Variants in TAFA2 observed in about 807,000 individuals in gnomAD.
The protein encoded by TAFA2 is TAFA chemokine like family member 2.
Under a neutral mutation model 18.8 loss-of-function variants are expected in TAFA2, and 7 were observed. The observed-to-expected ratio is 0.37, with a 90% CI of 0.21 to 0.70. TAFA2 has a LOEUF of 0.70. Among genes scored for constraint, TAFA2 ranks in the 30% least tolerant of loss-of-function variants. The pLI is 0.53. For missense variants in TAFA2, 122 were observed against 158.1 expected, an observed-to-expected ratio of 0.77 and a Z score of 1.23; for synonymous variants, 60 against 54.2, an observed-to-expected ratio of 1.11 and a Z score of -0.47.
chr12:62,055,929 A>G (rs1220518409), intron 1 of TAFA2, among the ~76,000 whole-genome samples: 2 of 152,228 alleles, frequency 1.3e-5, no homozygotes, highest in Non-Finnish European at 2.9e-5. Context: ...TTGAAAGTCA[A>G]TAGAGAGCTA....
chr12:62,202,602 G>C (rs948388881), intron 1 of TAFA2, among the ~76,000 whole-genome samples: 1 of 151,700 alleles, frequency 6.6e-6, no homozygotes, highest in African/African-American at 2.4e-5. Context: ...GATTACAGGC[G>C]TGAGCCACTG....
At chr12:62,001,811 TTATAAC>T (rs1218713942) in intron 1 of TAFA2, among the ~76,000 whole-genome samples, 3 of 152,052 alleles carry the variant, frequency 2.0e-5, no homozygotes, top group Non-Finnish European at 4.4e-5. Context: ...AATCAAAAAA[TTATAAC>T]TACAGCTAAT....
chr12:62,234,984 GA>G, intron 1 of TAFA2: 4 of 672,580 alleles, frequency 5.9e-6, no homozygotes, highest in Non-Finnish European at 1.1e-5. Flanking sequence ...TGTTTCATCA[GA>G]AGGTACTGTC....
At chr12:62,010,165 C>G (rs1404193312) in intron 1 of TAFA2, among the ~76,000 whole-genome samples, 1 of 148,474 alleles carries the variant, frequency 6.7e-6, no homozygotes, top group African/African-American at 2.5e-5. Context: ...CCCCCTCCCC[C>G]TCCCCCTCCC....
chr12:62,125,548 G>A (rs905745847), intron 1 of TAFA2, among the ~76,000 whole-genome samples: 8 of 152,024 alleles, frequency 5.3e-5, no homozygotes, highest in Non-Finnish European at 1.0e-4. Context: ...AATGCTAAAC[G>A]GTTCAGTTTA....
intron 1 of TAFA2, among the ~76,000 whole-genome samples, chr12:62,036,813 G>A (rs1881624283): frequency 1.3e-5 from 2 of 152,344 alleles, no homozygotes; most frequent in South Asian, 4.1e-4. Flanking sequence ...ACCAGAAGCA[G>A]TAATTCTGTT....
At chr12:61,866,315 G>A (rs1239642809) in intron 2 of TAFA2, among the ~76,000 whole-genome samples, 1 of 151,958 alleles carries the variant, frequency 6.6e-6, no homozygotes, top group Non-Finnish European at 1.5e-5. Context: ...TTCTCTCCCT[G>A]GTGTTAATGT....
chr12:62,179,208 T>C (rs906728106), intron 1 of TAFA2, among the ~76,000 whole-genome samples: 2 of 152,198 alleles, frequency 1.3e-5, no homozygotes, highest in African/African-American at 2.4e-5. Flanking sequence ...AAATGCCTTA[T>C]TAAAGGTTAG....
chr12:62,207,279 T>C (rs1168689112), intron 1 of TAFA2: 1 of 152,230 alleles, frequency 6.6e-6, no homozygotes, highest in Non-Finnish European at 1.5e-5. Context: ...GAGTAATTAA[T>C]ATATTTCAAT....
intron 1 of TAFA2, among the ~76,000 whole-genome samples, chr12:62,026,600 G>T (rs1328893373): frequency 6.6e-6 from 1 of 152,096 alleles, no homozygotes; most frequent in Non-Finnish European, 1.5e-5. Flanking sequence ...GGCAGACAGT[G>T]CTCATTCTGT....
chr12:61,843,417 A>T (rs1279443985), intron 2 of TAFA2, among the ~76,000 whole-genome samples: 1 of 152,096 alleles, frequency 6.6e-6, no homozygotes, highest in East Asian at 1.9e-4. Flanking sequence ...AACAGGAAAA[A>T]TTCGGAACAC....
chr12:61,813,219 A>G (rs1309960254), intron 2 of TAFA2, among the ~76,000 whole-genome samples: 2 of 151,314 alleles, frequency 1.3e-5, no homozygotes, highest in Non-Finnish European at 2.9e-5. Flanking sequence ...AAATAATCTC[A>G]TTGCTTTAAT....
chr12:61,798,330 A>G (rs1871272447), intron 2 of TAFA2, among the ~76,000 whole-genome samples: 1 of 151,660 alleles, frequency 6.6e-6, no homozygotes, highest in Non-Finnish European at 1.5e-5. Flanking sequence ...TATTTTATTT[A>G]TTTTTTATTT....
chr12:61,806,586 G>C (rs1257932472), intron 2 of TAFA2, among the ~76,000 whole-genome samples: 1 of 152,196 alleles, frequency 6.6e-6, no homozygotes, highest in African/African-American at 2.4e-5. Context: ...TAACAGCACG[G>C]GGTAGAATTG....
At chr12:62,204,903 G>T (rs2062685748) in intron 1 of TAFA2, among the ~76,000 whole-genome samples, 1 of 152,098 alleles carries the variant, frequency 6.6e-6, no homozygotes, top group South Asian at 2.1e-4. Context: ...AGGAGAAGAG[G>T]TATTCTGGCT....
chr12:62,250,057 T>C (rs1185468519), intron 1 of TAFA2, among the ~76,000 whole-genome samples: 7 of 152,178 alleles, frequency 4.6e-5, no homozygotes, highest in African/African-American at 1.7e-4. Flanking sequence ...TCTGTAAAAG[T>C]TCAAGATGGG....
intron 4 of TAFA2, among the ~76,000 whole-genome samples, chr12:61,735,191 C>T (rs2120673237): frequency 6.6e-6 from 1 of 152,028 alleles, no homozygotes; most frequent in South Asian, 2.1e-4. Flanking sequence ...AGAAAATATC[C>T]TTCTTTAGCA....
At position 62,070,886 on chromosome 12, in the gene TAFA2, T is replaced by A. The variant is rs555709764; in HGVS notation, c.-2+120373A>T. On this transcript the variant is annotated intron_variant, in intron 1 of 4. Coordinates refer to ENST00000416284, the MANE Select transcript of TAFA2 (RefSeq NM_178539.5). ...GGTTATAAAACATGAATGTTTCAGC[T>A]GCACCAAATTTCAGATAGAATTATC... Among the ~76,000 whole-genome samples, 91 of 152,166 alleles carry A rather than the reference T, an allele frequency of 6.0e-4. 1 individual carries two copies. The highest frequency in any genetic ancestry group is 2.1e-4 in the Non-Finnish European group (14 of 68,024).
chr12:62,081,435 C>G (rs181081537), intron 1 of TAFA2, among the ~76,000 whole-genome samples: 18 of 151,992 alleles, frequency 1.2e-4, no homozygotes, highest in Admixed American at 1.2e-3. Context: ...AACCAAGAAG[C>G]AGATTCCAAT....
Sources: allele counts gnomAD v4.1 joint callset (sites outside exome capture counted in the v4.1 genomes callset), GRCh38; gene constraint gnomAD v4.1.1; transcripts MANE v1.5; gene names NCBI Gene and HGNC (gene_info 2026-07-23, HGNC 2026-07-21).